The following KCNQ5 variants were observed in gnomAD, a reference collection of about 807,000 sequenced individuals.
KCNQ5 encodes the protein potassium voltage-gated channel subfamily Q member 5.
KCNQ5 carries 30 observed loss-of-function variants against 98.2 expected under a neutral mutation model. The observed-to-expected ratio is 0.31, with a 90% CI of 0.23 to 0.41. The LOEUF (loss-of-function observed/expected upper bound fraction) is 0.41. Ranked by LOEUF, KCNQ5 falls within the 10% of genes least tolerant of loss-of-function variation. KCNQ5 has a pLI of 1.00. For missense variants in KCNQ5, 835 were observed against 1,182.5 expected (o/e 0.71, Z 4.31); for synonymous variants, 458 against 449.4 (o/e 1.02, Z -0.24).
intron 1 of KCNQ5, among the ~76,000 whole-genome samples, chr6:72,763,263 C>T (rs1201785264): frequency 6.6e-6 from 1 of 151,898 alleles, no homozygotes; most frequent in African/African-American, 2.4e-5. Context: ...TTTAAACAGG[C>T]TTAATAGCCC....
chr6:72,774,064 A>G (rs951972721), intron 1 of KCNQ5, among the ~76,000 whole-genome samples: 4 of 151,410 alleles, frequency 2.6e-5, no homozygotes, highest in African/African-American at 9.7e-5. Context: ...AGCCTTATGG[A>G]AAAAAAAATG....
intron 1 of KCNQ5, among the ~76,000 whole-genome samples, chr6:72,766,433 A>G (rs949883804): frequency 1.1e-4 from 17 of 152,124 alleles, no homozygotes; most frequent in African/African-American, 4.1e-4. Context: ...TTTTAAAATA[A>G]TCACTCCAGC....
At chr6:72,895,312 C>T (rs1779208412) in intron 1 of KCNQ5, among the ~76,000 whole-genome samples, 1 of 149,232 alleles carries the variant, frequency 6.7e-6, no homozygotes, top group African/African-American at 2.5e-5. Flanking sequence ...AGAAAAAAAA[C>T]TCCATAGGTG....
intron 1 of KCNQ5, among the ~76,000 whole-genome samples, chr6:72,665,833 A>G (rs1766785585): frequency 6.6e-6 from 1 of 152,146 alleles, no homozygotes; most frequent in South Asian, 2.1e-4. Flanking sequence ...CTGCTATATT[A>G]TATTACAGGG....
chr6:72,828,118 T>C (rs1170902800), intron 1 of KCNQ5, among the ~76,000 whole-genome samples: 2 of 152,168 alleles, frequency 1.3e-5, no homozygotes, highest in Non-Finnish European at 1.5e-5. Flanking sequence ...ACTATGCTGT[T>C]GTAGTTCCTG....
chr6:72,858,079 T>C (rs920634257), intron 1 of KCNQ5, among the ~76,000 whole-genome samples: 3 of 152,250 alleles, frequency 2.0e-5, no homozygotes, highest in African/African-American at 7.2e-5. Context: ...CGAGAAGTCA[T>C]TAGAGAAAGC....
chr6:72,807,399 T>C (rs1775010570), intron 1 of KCNQ5, among the ~76,000 whole-genome samples: 1 of 152,238 alleles, frequency 6.6e-6, no homozygotes, highest in Non-Finnish European at 1.5e-5. Context: ...TAAATTCTAT[T>C]AAATTATAAA....
intron 1 of KCNQ5, among the ~76,000 whole-genome samples, chr6:72,701,442 A>G (rs1164920639): frequency 1.3e-5 from 2 of 152,246 alleles, no homozygotes; most frequent in Non-Finnish European, 2.9e-5. Context: ...AAATGTTGTC[A>G]AAGAATGAAT....
At chr6:72,959,810 C>G (rs967537464) in intron 1 of KCNQ5, among the ~76,000 whole-genome samples, 6 of 152,118 alleles carry the variant, frequency 3.9e-5, no homozygotes, top group Admixed American at 3.9e-4. Flanking sequence ...GGGAGATTCA[C>G]GACACAATTC....
chr6:73,192,283 C>T (rs1386999499), intron 12 of KCNQ5, among the ~76,000 whole-genome samples: 2 of 152,164 alleles, frequency 1.3e-5, no homozygotes, highest in Non-Finnish European at 2.9e-5. Context: ...CAGGAACTGC[C>T]TGATCAGAGG....
intron 1 of KCNQ5, among the ~76,000 whole-genome samples, chr6:72,737,524 A>T (rs1770911547): frequency 6.6e-6 from 1 of 151,730 alleles, no homozygotes; most frequent in Non-Finnish European, 1.5e-5. Context: ...GCATTTCCTG[A>T]GAGTGTCTGA....
At chr6:73,120,240 C>T (rs1582394023) in intron 7 of KCNQ5, among the ~76,000 whole-genome samples, 1 of 151,840 alleles carries the variant, frequency 6.6e-6, no homozygotes, top group East Asian at 1.9e-4. Flanking sequence ...AGTGAGAGTC[C>T]ATCTCAAAAT....
intron 10 of KCNQ5, among the ~76,000 whole-genome samples, chr6:73,165,125 G>A (rs1284552150): frequency 6.6e-6 from 1 of 151,932 alleles, no homozygotes; most frequent in Non-Finnish European, 1.5e-5. Flanking sequence ...ATGACTACAG[G>A]CATACACACT....
chr6:73,090,194 C>G (rs976891417), intron 5 of KCNQ5, among the ~76,000 whole-genome samples: 6 of 151,778 alleles, frequency 4.0e-5, no homozygotes, highest in Non-Finnish European at 7.4e-5. Flanking sequence ...GTGTCTTGGC[C>G]ATTCATATAT....
At chr6:72,973,354 G>A (rs564932877) in intron 1 of KCNQ5, among the ~76,000 whole-genome samples, 84 of 151,936 alleles carry the variant, frequency 5.5e-4, no homozygotes, top group Non-Finnish European at 1.0e-3. Context: ...GAAAAATATG[G>A]GTCAACAATA....
intron 1 of KCNQ5, among the ~76,000 whole-genome samples, chr6:72,868,806 G>A (rs572676608): frequency 5.2e-4 from 79 of 152,298 alleles, no homozygotes; most frequent in Admixed American, 1.4e-3. Context: ...CACTTCCTAA[G>A]GAAGGTAATG....
Position 73,195,507 on chromosome 6 carries a change from C to T in KCNQ5, c.*93C>T. 1 of 1,457,768 alleles carries T rather than the reference C, an allele frequency of 6.9e-7. No homozygotes were observed. Among genetic ancestry groups the T allele is most frequent in the South Asian group, 1.3e-5 (1 of 75,038 alleles). 90.3% of individuals were successfully genotyped at this position (1,457,768 alleles called of 1,614,324 possible). A position where few individuals can be genotyped will look rare whatever the true frequency, so the allele number is the denominator to read the frequency against. ...AAGCCCTTCTAAAAAGTTGAAATTG[C>T]AAGAATCGGGAAGAACATGAAAGGC... On this transcript the variant is annotated 3_prime_UTR_variant, in exon 14 of 14. Coordinates refer to ENST00000370398, the MANE Select transcript of KCNQ5 (RefSeq NM_019842.4).
intron 9 of KCNQ5, among the ~76,000 whole-genome samples, chr6:73,130,403 G>T (rs1332312238): frequency 1.3e-5 from 2 of 152,162 alleles, no homozygotes; most frequent in African/African-American, 4.8e-5. Context: ...TGCAGGCTCT[G>T]CTGAGCATGG....
intron 1 of KCNQ5, among the ~76,000 whole-genome samples, chr6:72,972,396 G>A (rs1767945864): frequency 6.6e-6 from 1 of 151,716 alleles, no homozygotes; most frequent in Non-Finnish European, 1.5e-5. Flanking sequence ...AAAACAAATG[G>A]AATACATGTG....
Sources: gnomAD v4.1 joint callset for allele counts (sites outside exome capture counted in the v4.1 genomes callset) on GRCh38, gnomAD v4.1.1 for gene constraint, MANE v1.5 for transcripts, NCBI Gene and HGNC (gene_info 2026-07-23, HGNC 2026-07-21) for gene names.